The following KLC1 variants were observed in gnomAD, a reference collection of about 807,000 sequenced individuals.
KLC1 encodes the protein kinesin light chain 1.
In KLC1, 30 loss-of-function variants were observed where a neutral mutation model predicts 84.2. That is an observed-to-expected ratio of 0.36 (90% CI 0.27 to 0.48). The LOEUF is 0.48. KLC1 is among the 20% of genes least tolerant of loss of function. The pLI, the probability that KLC1 is intolerant of heterozygous loss-of-function variation, is 0.99. For synonymous variants in KLC1, 289 were observed against 293.3 expected (o/e 0.99, Z 0.15); for missense variants, 499 against 805.4 (o/e 0.62, Z 4.60).
chr14:103,631,590 A>C (rs1467428797), intron 1 of KLC1, among the ~76,000 whole-genome samples: 1 of 152,052 alleles, frequency 6.6e-6, no homozygotes, highest in Non-Finnish European at 1.5e-5. Context: ...GAATGTTAGA[A>C]ACCAGTATTT....
chr14:103,701,167 C>T (rs1389001843), intron 16 of KLC1, 34 bp from the exon 17 acceptor site: 32 of 1,548,784 alleles, frequency 2.1e-5, no homozygotes, highest in African/African-American at 6.8e-5. Context: ...CAGGTTTTGG[C>T]GGCCCAGCCC....
chr14:103,677,990 A>G (rs1436685492), intron 12 of KLC1, among the ~76,000 whole-genome samples: 1 of 140,654 alleles, frequency 7.1e-6, no homozygotes, highest in Non-Finnish European at 1.5e-5. Context: ...AAAAAAAAGC[A>G]TGAGGCTGGG....
In KLC1 at chr14:103,679,251, A is replaced by G. The variant is rs998748720; in HGVS notation, c.1489-133A>G. ...CCACCCTCACCCCCTCCAAGGAACC[A>G]CTCTTCCAATGTTTTTCCCTCCAGT... is the stretch of plus-strand genomic sequence containing the variant. On this transcript the variant is annotated intron_variant, in intron 12 of 16. Coordinates refer to ENST00000334553, the MANE Select transcript of KLC1 (RefSeq NM_001394837.1). The G allele has an allele frequency of 6.4e-5, 77 of 1,200,038 alleles. 1 individual carries two copies. In the Admixed American group the frequency reaches 1.8e-3, roughly 28 times the overall value. The allele number at this position is 1,200,038 out of a possible 1,614,324, so 74.3% of individuals were successfully genotyped here. A position where few individuals can be genotyped will look rare whatever the true frequency, so the allele number is the denominator to read the frequency against.
chr14:103,673,219 C>T lies in KLC1; in HGVS notation c.1161+32C>T, dbSNP rs771810087. ...TGACTGCACAGCACTAGGGAGGGGG[C>T]CAGGAGTGCTTTCGTCCCAAGTCCA... On this transcript the variant is annotated intron_variant, in intron 8 of 16. Coordinates refer to ENST00000334553, the MANE Select transcript of KLC1 (RefSeq NM_001394837.1). The T allele has an allele frequency of 5.2e-5, 82 of 1,591,586 alleles. No individual in the cohort carries two copies. In the Admixed American group the frequency reaches 1.5e-3, roughly 29 times the overall value.
chr14:103,671,579 C>T lies in KLC1; in HGVS notation c.987+1296C>T, dbSNP rs141840975. Among the ~76,000 whole-genome samples, 436 of 152,256 alleles carry T rather than the reference C, an allele frequency of 2.9e-3. 5 individuals carry two copies. Among genetic ancestry groups the T allele is most frequent in the African/African-American group, 9.9e-3 (411 of 41,530 alleles). On this transcript the variant is annotated intron_variant, in intron 7 of 16. Coordinates refer to ENST00000334553, the MANE Select transcript of KLC1 (RefSeq NM_001394837.1). ...AGAGATGGGGTTTCACCATGTTGGC[C>T]AGGCTGGCCAAGAACTCCTGACCTT... is the stretch of plus-strand genomic sequence containing the variant.
chr14:103,673,560 AATGTGTG>A, intron 9 of KLC1, 129 bp downstream of exon 9: 1 of 598,026 alleles, frequency 1.7e-6, no homozygotes, highest in South Asian at 2.5e-5. Context: ...AAATAGTTTA[AATGTGTG>A]ATTTCACTTC....
At chr14:103,682,330 A>G (rs1389766446) in intron 13 of KLC1, 1 of 151,808 alleles carries the variant, frequency 6.6e-6, no homozygotes, top group Admixed American at 6.6e-5. Context: ...AGATCACGTC[A>G]CTGCACTCCA....
intron 1 of KLC1, among the ~76,000 whole-genome samples, chr14:103,642,229 C>T (rs1022385509): frequency 1.3e-5 from 2 of 152,180 alleles, no homozygotes; most frequent in African/African-American, 4.8e-5. Context: ...TGCTCAGCCC[C>T]TGGGTTCCCT....
At chr14:103,639,331 A>G (rs1446691996) in intron 1 of KLC1, among the ~76,000 whole-genome samples, 3 of 152,000 alleles carry the variant, frequency 2.0e-5, no homozygotes, top group Non-Finnish European at 2.9e-5. Context: ...GGGTTTCACC[A>G]TGTTGGCCAG....
chr14:103,695,907 T>G, intron 15 of KLC1: 1 of 985,396 alleles, frequency 1.0e-6, no homozygotes, highest in East Asian at 1.1e-4. Context: ...GTTTGAACCC[T>G]TCCACCCAAT....
chr14:103,629,630 C>T (rs2076513580), intron 1 of KLC1, 136 bp downstream of exon 1: 1 of 152,856 alleles, frequency 6.5e-6, no homozygotes, highest in Non-Finnish European at 1.5e-5. Flanking sequence ...GGGTCCCGGC[C>T]CCTCTCCGTT....
intron 1 of KLC1, among the ~76,000 whole-genome samples, chr14:103,635,007 G>A (rs1262553080): frequency 6.6e-6 from 1 of 152,192 alleles, no homozygotes; most frequent in African/African-American, 2.4e-5. Flanking sequence ...TATACTCATG[G>A]ATCAGAAATG....
rs908360938 is a variant in KLC1, at chr14:103,653,530, C to T, written c.-1-1034C>T. The stretch of plus-strand genomic sequence containing the variant: ...TGAGACAGGGTTTCGCCGTGTTGGC[C>T]GGCTGGTTTTGAACTCCTGCCATCA... On this transcript the variant is annotated intron_variant, in intron 1 of 16. Coordinates refer to ENST00000334553, the MANE Select transcript of KLC1 (RefSeq NM_001394837.1). 7.9e-5 allele frequency among the ~76,000 whole-genome samples: 12 copies of T among 152,144 alleles called. No individual in the cohort carries two copies. The East Asian group carries it at 9.6e-4, about 12-fold the overall frequency.
intron 14 of KLC1, among the ~76,000 whole-genome samples, chr14:103,689,574 A>G (rs1301372055): frequency 6.6e-6 from 1 of 152,216 alleles, no homozygotes; most frequent in East Asian, 1.9e-4. Context: ...GTTTGTTCAG[A>G]CAGAGACTGT....
At chr14:103,659,081 G>A (rs913097781) in intron 3 of KLC1, among the ~76,000 whole-genome samples, 1 of 152,024 alleles carries the variant, frequency 6.6e-6, no homozygotes, top group Non-Finnish European at 1.5e-5. Context: ...GGGTTCAAGC[G>A]ATTCTCCCTT....
intron 15 of KLC1, chr14:103,698,828 C>T (rs1364798160): frequency 3.7e-6 from 6 of 1,605,244 alleles, no homozygotes; most frequent in Middle Eastern, 1.7e-4. Flanking sequence ...GTGTCCCTCG[C>T]ACCCCTTCGG....
intron 1 of KLC1, among the ~76,000 whole-genome samples, chr14:103,649,600 A>G (rs929557554): frequency 2.0e-5 from 3 of 149,750 alleles, no homozygotes; most frequent in Non-Finnish European, 3.0e-5. Context: ...TGTTAGGTTT[A>G]CTTGAATCCT....
At chr14:103,636,581 T>G (rs1197439657) in intron 1 of KLC1, among the ~76,000 whole-genome samples, 1 of 152,112 alleles carries the variant, frequency 6.6e-6, no homozygotes, top group African/African-American at 2.4e-5. Flanking sequence ...TTAGTTTTAA[T>G]GTGCATTTCA....
At position 103,694,861 on chromosome 14, in the gene KLC1, C is replaced by G. The variant is rs1241235045; in HGVS notation, c.1848+2436C>G. On this transcript the variant is annotated intron_variant, in intron 15 of 16. Transcript: ENST00000334553. The surrounding 1 kb of genome is among the most constrained non-coding windows in gnomAD (Gnocchi z 4.5). ...CAAGGCTAGACTTTAAAATACCTTT[C>G]AAAGTTTCATCCCGCCTCATGTCGC... is the stretch of plus-strand genomic sequence containing the variant. 8.1e-6 allele frequency: 8 copies of G among 985,388 alleles called. No homozygotes were observed. The highest frequency in any genetic ancestry group is 1.7e-5 in the African/African-American group (1 of 57,262). 61.0% of individuals were successfully genotyped at this position (985,388 alleles called of 1,614,324 possible). A position where few individuals can be genotyped will look rare whatever the true frequency, so the allele number is the denominator to read the frequency against.
Sources: allele counts gnomAD v4.1 joint callset (sites outside exome capture counted in the v4.1 genomes callset), GRCh38; gene constraint gnomAD v4.1.1; non-coding constraint Gnocchi (gnomAD v3.1); transcripts MANE v1.5; gene names NCBI Gene and HGNC (gene_info 2026-07-23, HGNC 2026-07-21).